Variants in LTAP1 observed in about 807,000 individuals in gnomAD.
LTAP1 encodes the protein HCV NS5A-transactivated protein 4.
chr1:154,219,899 G>A, the LTAP1 span: 1 of 1,613,814 alleles, frequency 6.2e-7, no homozygotes, highest in Non-Finnish European at 8.5e-7. Flanking sequence ...CAAAGCGCAT[G>A]ATTTGCCTCT....
chr1:154,210,888 A>T, the LTAP1 span, among the ~76,000 whole-genome samples: 1 of 152,216 alleles, frequency 6.6e-6, no homozygotes, highest in Non-Finnish European at 1.5e-5. Flanking sequence ...CCCAAACAAA[A>T]GCCATGAATC....
At chr1:154,212,609 G>T in the LTAP1 span, 1 of 1,614,092 alleles carries the variant, frequency 6.2e-7, no homozygotes. Context: ...CCGGCCTTCA[G>T]AATGAAATGG....
the LTAP1 span, chr1:154,214,557 A>G: frequency 6.2e-7 from 1 of 1,611,814 alleles, no homozygotes; most frequent in Non-Finnish European, 8.5e-7. Context: ...GTCGAATATC[A>G]ATCTCCTCTT....
the LTAP1 span, among the ~76,000 whole-genome samples, chr1:154,208,913 A>G: frequency 6.6e-6 from 1 of 152,154 alleles, no homozygotes; most frequent in Admixed American, 6.6e-5. Flanking sequence ...ATGCCCAGCC[A>G]ATTTTTCTAT....
chr1:154,212,353 C>T, the LTAP1 span: 9 of 1,613,976 alleles, frequency 5.6e-6, no homozygotes, highest in East Asian at 2.2e-5. Flanking sequence ...CTCCTGATAG[C>T]GTAGGTACTC....
the LTAP1 span, chr1:154,213,244 T>C: frequency 1.3e-5 from 2 of 152,550 alleles, no homozygotes; most frequent in East Asian, 1.9e-4. Flanking sequence ...GAGGTGGAGG[T>C]TGTGGTGAGC....
the LTAP1 span, among the ~76,000 whole-genome samples, chr1:154,217,940 C>T: frequency 6.6e-6 from 1 of 152,000 alleles, no homozygotes. Context: ...ATACCACTAC[C>T]TATTTTTTAG....
At chr1:154,214,344 C>G in the LTAP1 span, 1 of 728,142 alleles carries the variant, frequency 1.4e-6, no homozygotes, top group East Asian at 2.5e-5. Flanking sequence ...TAACATATAT[C>G]CAATAACAGG....
At chr1:154,217,360 G>C in the LTAP1 span, among the ~76,000 whole-genome samples, 1 of 152,072 alleles carries the variant, frequency 6.6e-6, no homozygotes, top group Non-Finnish European at 1.5e-5. Flanking sequence ...TCACCACCAC[G>C]TCAATCAAAG....
At chr1:154,212,282 G>A in the LTAP1 span, 1 of 1,609,698 alleles carries the variant, frequency 6.2e-7, no homozygotes, top group Non-Finnish European at 8.5e-7. Flanking sequence ...CAACACTACT[G>A]TACCAGCTCC....
chr1:154,219,411 T>C, the LTAP1 span, among the ~76,000 whole-genome samples: 2 of 152,196 alleles, frequency 1.3e-5, no homozygotes, highest in Non-Finnish European at 2.9e-5. Flanking sequence ...CTTGGTAACA[T>C]GAATGGTGGA....
At chr1:154,217,437 A>G in the LTAP1 span, among the ~76,000 whole-genome samples, 1 of 152,188 alleles carries the variant, frequency 6.6e-6, no homozygotes, top group Non-Finnish European at 1.5e-5. Context: ...GTACTCTTTT[A>G]CAGTTCTGCC....
chr1:154,209,443 T>G, the LTAP1 span, among the ~76,000 whole-genome samples: 1 of 118,068 alleles, frequency 8.5e-6, no homozygotes, highest in Non-Finnish European at 1.8e-5. Flanking sequence ...TTTTTTTTTT[T>G]GAGACAGTGT....
At chr1:154,216,668 C>T in the LTAP1 span, among the ~76,000 whole-genome samples, 4 of 152,084 alleles carry the variant, frequency 2.6e-5, no homozygotes, top group African/African-American at 7.2e-5. Context: ...GCGCATGCCA[C>T]CATGCCCAGC....
At chr1:154,214,445 C>T in the LTAP1 span, 1 of 1,569,304 alleles carries the variant, frequency 6.4e-7, no homozygotes, top group Non-Finnish European at 8.8e-7. Flanking sequence ...ATTCCAAGAG[C>T]TTGCCACATA....
the LTAP1 span, chr1:154,207,790 A>C: frequency 1.4e-6 from 1 of 704,562 alleles, no homozygotes; most frequent in African/African-American, 1.8e-5. Flanking sequence ...AGTTACTAAA[A>C]CCCCATCTAG....
At chr1:154,211,324 C>CTTTTTTTTTTT in the LTAP1 span, among the ~76,000 whole-genome samples, 6 of 34,042 alleles carry the variant, frequency 1.8e-4, no homozygotes, top group African/African-American at 2.7e-4. Context: ...TTATTTAATT[C>CTTTTTTTTTTT]TTTTTTTTTT....
At chr1:154,213,875 C>T in the LTAP1 span, 1 of 1,608,946 alleles carries the variant, frequency 6.2e-7, no homozygotes, top group Non-Finnish European at 8.5e-7. Context: ...AGAATGGACC[C>T]TGTCAGGTAG....
chr1:154,208,559 G>C, the LTAP1 span: 1 of 151,972 alleles, frequency 6.6e-6, no homozygotes. Flanking sequence ...TTTTTTTTCA[G>C]AGACAGGTAT....
Sources: gnomAD v4.1 joint callset for allele counts (sites outside exome capture counted in the v4.1 genomes callset) on GRCh38, gnomAD v4.1.1 for gene constraint, MANE v1.5 for transcripts, NCBI Gene and HGNC (gene_info 2026-07-23, HGNC 2026-07-21) for gene names.